TUBGCP3: variants seen among roughly 807,000 people sequenced by gnomAD.
The protein encoded by TUBGCP3 is tubulin gamma complex component 3.
Under a neutral mutation model 123.1 loss-of-function variants are expected in TUBGCP3, and 50 were observed. The ratio of observed to expected loss-of-function variants is 0.41; its 90% CI spans 0.32 to 0.51. The LOEUF (loss-of-function observed/expected upper bound fraction) is 0.51. TUBGCP3 is among the 20% of genes least tolerant of loss of function. TUBGCP3 has a pLI of 0.36. For synonymous variants in TUBGCP3, 405 were observed against 413.9 expected, an observed-to-expected ratio of 0.98 and a Z score of 0.26; for missense variants, 882 against 1,127.0, an observed-to-expected ratio of 0.78 and a Z score of 3.11.
intron 17 of TUBGCP3, 22 bp downstream of exon 17, chr13:112,516,418 C>T (rs761737945): frequency 3.0e-5 from 48 of 1,574,164 alleles, no homozygotes; most frequent in Non-Finnish European, 3.2e-5. Context: ...TGTGCGGACC[C>T]GTGACCGTGC....
upstream of TUBGCP3, chr13:112,588,308 G>A: frequency 8.3e-6 from 2 of 240,552 alleles, no homozygotes; most frequent in Non-Finnish European, 8.0e-6. Context: ...CTCGAGCTGC[G>A]CGGACAGAGC....
intron 10 of TUBGCP3, chr13:112,546,562 G>A (rs948770286): frequency 6.6e-6 from 1 of 152,400 alleles, no homozygotes; most frequent in African/African-American, 2.4e-5. Flanking sequence ...TTAAGAAGAT[G>A]GCTCTGGTGT....
intron 2 of TUBGCP3, among the ~76,000 whole-genome samples, chr13:112,567,480 T>C (rs1474419257): frequency 2.0e-5 from 3 of 152,218 alleles, no homozygotes; most frequent in African/African-American, 7.2e-5. Context: ...ATCTAAAATG[T>C]GTAAAATGGT....
the TUBGCP3 span, among the ~76,000 whole-genome samples, chr13:112,601,627 G>T: frequency 6.6e-6 from 1 of 152,200 alleles, no homozygotes; most frequent in Non-Finnish European, 1.5e-5. Flanking sequence ...TTTGGAGTCA[G>T]GTTGAAGGTA....
At chr13:112,587,814 T>G (rs1004679462) in intron 1 of TUBGCP3, 91 bp downstream of exon 1, 3 of 1,195,368 alleles carry the variant, frequency 2.5e-6, no homozygotes, top group Admixed American at 2.9e-5. Context: ...TGCATCCTCG[T>G]TCCTCCAGCC....
chr13:112,543,209 C>A (rs1878678900), intron 11 of TUBGCP3, among the ~76,000 whole-genome samples: 1 of 152,196 alleles, frequency 6.6e-6, no homozygotes, highest in South Asian at 2.1e-4. Context: ...GGACACAATT[C>A]TTCATCTTAA....
intron 1 of TUBGCP3, among the ~76,000 whole-genome samples, chr13:112,575,706 G>T (rs890598171): frequency 2.0e-5 from 3 of 152,226 alleles, no homozygotes; most frequent in African/African-American, 7.2e-5. Flanking sequence ...TCACAAAGCA[G>T]TCTGATTAAA....
At chr13:112,559,017 G>A (rs1459796362) in intron 4 of TUBGCP3, among the ~76,000 whole-genome samples, 6 of 152,146 alleles carry the variant, frequency 3.9e-5, no homozygotes, top group Admixed American at 2.6e-4. Context: ...AGTTCATAAA[G>A]AATTACCTAT....
chr13:112,497,039 T>C (rs1239397070), intron 20 of TUBGCP3, among the ~76,000 whole-genome samples: 1 of 151,222 alleles, frequency 6.6e-6, no homozygotes, highest in Non-Finnish European at 1.5e-5. Flanking sequence ...GACAGTTTAG[T>C]AATTCTCTAG....
chr13:112,581,372 C>T (rs1480029107), intron 1 of TUBGCP3, among the ~76,000 whole-genome samples: 1 of 152,036 alleles, frequency 6.6e-6, no homozygotes. Context: ...TGAATTTTTA[C>T]ACTGCGTATA....
chr13:112,588,770 C>T (rs1045880551), upstream of TUBGCP3, among the ~76,000 whole-genome samples: 2 of 152,148 alleles, frequency 1.3e-5, no homozygotes, highest in African/African-American at 2.4e-5. Context: ...GCTTGGGAGC[C>T]GTGAGCTACC....
Position 112,499,029 on chromosome 13 carries a change from AG to A in TUBGCP3, c.2448+15del. ...CATTATTCAAATAGATAAATTCACA[AG>A]TGTAAAGACCATACCTCAATTTCAC... is the stretch of plus-strand genomic sequence containing the variant. On this transcript the variant is annotated intron_variant, in intron 20 of 21. Coordinates refer to ENST00000261965, the MANE Select transcript of TUBGCP3 (RefSeq NM_006322.6). 6.2e-7 allele frequency: 1 copy of A among 1,614,190 alleles called. No homozygotes were observed. The highest frequency in any genetic ancestry group is 1.1e-5 in the South Asian group (1 of 91,074).
chr13:112,490,524 G>A (rs955391772), intron 20 of TUBGCP3, among the ~76,000 whole-genome samples: 2 of 152,168 alleles, frequency 1.3e-5, no homozygotes, highest in Non-Finnish European at 2.9e-5. Flanking sequence ...CAAAGTGCTG[G>A]GATTACAGGC....
At chr13:112,573,840 C>T (rs187934536) in intron 1 of TUBGCP3, among the ~76,000 whole-genome samples, 13 of 152,336 alleles carry the variant, frequency 8.5e-5, no homozygotes, top group Admixed American at 3.9e-4. Context: ...CAGTTCAACC[C>T]GGGATGCAGA....
chr13:112,540,083 A>C (rs1878389365), intron 11 of TUBGCP3, among the ~76,000 whole-genome samples: 1 of 149,420 alleles, frequency 6.7e-6, no homozygotes, highest in African/African-American at 2.5e-5. Context: ...TGAGGACGTC[A>C]ATGTAGTAGC....
chr13:112,573,129 A>G (rs1881543028), intron 1 of TUBGCP3, among the ~76,000 whole-genome samples: 1 of 151,556 alleles, frequency 6.6e-6, no homozygotes, highest in South Asian at 2.1e-4. Context: ...AAAAAGTAAC[A>G]ACGTAGGGAA....
At chr13:112,535,996 T>C (rs1283106846) in intron 11 of TUBGCP3, among the ~76,000 whole-genome samples, 1 of 152,256 alleles carries the variant, frequency 6.6e-6, no homozygotes, top group Admixed American at 6.5e-5. Context: ...CCAGTTGTCC[T>C]GTTATCATTT....
chr13:112,555,982 C>T (rs2139217569), intron 6 of TUBGCP3, 70 bp downstream of exon 6: 1 of 1,531,540 alleles, frequency 6.5e-7, no homozygotes, highest in East Asian at 2.3e-5. Context: ...CTGGGCTGTA[C>T]TTTAAAATAA....
intron 11 of TUBGCP3, among the ~76,000 whole-genome samples, chr13:112,532,977 T>A (rs1877710308): frequency 6.6e-6 from 1 of 152,162 alleles, no homozygotes; most frequent in Non-Finnish European, 1.5e-5. Context: ...AGCCCAGATG[T>A]CATCTGGAAG....
Sources: gnomAD v4.1 joint callset for allele counts (sites outside exome capture counted in the v4.1 genomes callset) on GRCh38, gnomAD v4.1.1 for gene constraint, MANE v1.5 for transcripts, NCBI Gene and HGNC (gene_info 2026-07-23, HGNC 2026-07-21) for gene names.